Variants in SORCS2 observed in about 807,000 individuals in gnomAD.
SORCS2 encodes sortilin related VPS10 domain containing receptor 2, also known as VPS10 domain-containing receptor SorCS2.
In SORCS2, 100 loss-of-function variants were observed where a neutral mutation model predicts 141.6. That is an observed-to-expected ratio of 0.71 (90% CI 0.60 to 0.83). The LOEUF (loss-of-function observed/expected upper bound fraction) is 0.83, where lower values mean the gene tolerates loss of function less well. Among genes scored for constraint, SORCS2 ranks in the 40% least tolerant of loss-of-function variants. The pLI, the probability that SORCS2 is intolerant of heterozygous loss-of-function variation, is 0.00. For missense variants in SORCS2, 1,646 were observed against 1,560.2 expected, an observed-to-expected ratio of 1.05 and a Z score of -0.93; for synonymous variants, 789 against 676.9, an observed-to-expected ratio of 1.17 and a Z score of -2.57.
intron 1 of SORCS2, among the ~76,000 whole-genome samples, chr4:7,298,407 A>G (rs2108893587): frequency 6.6e-6 from 1 of 152,258 alleles, no homozygotes; most frequent in South Asian, 2.1e-4. Flanking sequence ...AGAGGCCAGG[A>G]TGCCCTGACA....
chr4:7,593,859 C>T (rs928054141), intron 3 of SORCS2, among the ~76,000 whole-genome samples: 1 of 152,202 alleles, frequency 6.6e-6, no homozygotes, highest in African/African-American at 2.4e-5. Context: ...CTCTGCCCCT[C>T]TCGGGAGCCC....
intron 2 of SORCS2, among the ~76,000 whole-genome samples, chr4:7,480,812 C>G (rs948043700): frequency 6.6e-6 from 1 of 152,266 alleles, no homozygotes. Context: ...GGAGGCTTGG[C>G]TGGGACAGGA....
At chr4:7,661,272 A>C (rs1722144746) in intron 5 of SORCS2, among the ~76,000 whole-genome samples, 1 of 113,502 alleles carries the variant, frequency 8.8e-6, no homozygotes, top group Admixed American at 8.7e-5. Flanking sequence ...AGCTCACTCA[A>C]GGAAAACGCA....
At chr4:7,553,651 T>C (rs1371829708) in intron 3 of SORCS2, among the ~76,000 whole-genome samples, 2 of 152,212 alleles carry the variant, frequency 1.3e-5, no homozygotes, top group African/African-American at 2.4e-5. Flanking sequence ...AGCCCAGGTA[T>C]GGATGGAGAC....
intron 3 of SORCS2, among the ~76,000 whole-genome samples, chr4:7,609,768 C>A (rs772286936): frequency 7.2e-5 from 11 of 152,176 alleles, no homozygotes; most frequent in Admixed American, 2.0e-4. Context: ...TCCGGATGGG[C>A]CTTGGGATGA....
chr4:7,651,274 G>T (rs958464493), intron 4 of SORCS2, among the ~76,000 whole-genome samples: 1 of 152,308 alleles, frequency 6.6e-6, no homozygotes, highest in Admixed American at 6.5e-5. Context: ...GCACATGATC[G>T]GGTTGAATCA....
intron 2 of SORCS2, among the ~76,000 whole-genome samples, chr4:7,428,907 G>A (rs951174733): frequency 2.6e-5 from 4 of 152,148 alleles, no homozygotes; most frequent in African/African-American, 9.7e-5. Flanking sequence ...CCAGACCCCA[G>A]GAAGGCACCT....
At chr4:7,202,121 C>T (rs909590550) in intron 1 of SORCS2, among the ~76,000 whole-genome samples, 11 of 152,288 alleles carry the variant, frequency 7.2e-5, no homozygotes, top group South Asian at 2.1e-4. Flanking sequence ...TTCCCACAAG[C>T]ACAGACCATC....
rs567493103 is a variant in SORCS2, at chr4:7,257,143, C to T, written c.480+64017C>T. On this transcript the variant is annotated intron_variant, in intron 1 of 26. Coordinates refer to ENST00000507866, the MANE Select transcript of SORCS2 (RefSeq NM_020777.3). The stretch of plus-strand genomic sequence containing the variant: ...GAATGTGTGAATCTTGGCCGGGCTC[C>T]CTCGGGCCCTGGAGTGGGCAGGTGG... Among the ~76,000 whole-genome samples the T allele has an allele frequency of 1.4e-4, 22 of 151,902 alleles. No individual in the cohort carries two copies. In the South Asian group the frequency reaches 3.8e-3, roughly 26 times the overall value.
intron 2 of SORCS2, among the ~76,000 whole-genome samples, chr4:7,526,899 G>A (rs915935066): frequency 1.3e-5 from 2 of 152,186 alleles, no homozygotes; most frequent in African/African-American, 4.8e-5. Context: ...TCCAAAAGAT[G>A]ATGTCAACAT....
At chr4:7,645,375 G>A (rs1721005971) in intron 4 of SORCS2, among the ~76,000 whole-genome samples, 1 of 152,196 alleles carries the variant, frequency 6.6e-6, no homozygotes, top group South Asian at 2.1e-4. Context: ...GTGACCTTGA[G>A]TAACTTACCT....
intron 2 of SORCS2, among the ~76,000 whole-genome samples, chr4:7,406,975 T>A (rs1268203093): frequency 6.6e-6 from 1 of 152,148 alleles, no homozygotes; most frequent in Non-Finnish European, 1.5e-5. Flanking sequence ...TTAATTTCCA[T>A]GTGTTTGTGG....
intron 1 of SORCS2, among the ~76,000 whole-genome samples, chr4:7,225,654 G>C (rs1390524887): frequency 6.6e-6 from 1 of 152,118 alleles, no homozygotes; most frequent in African/African-American, 2.4e-5. Flanking sequence ...TGCTAGACTG[G>C]GCTGGAGCTG....
intron 4 of SORCS2, among the ~76,000 whole-genome samples, chr4:7,653,277 C>T (rs895345452): frequency 1.3e-5 from 2 of 152,120 alleles, no homozygotes; most frequent in African/African-American, 4.8e-5. Context: ...GAGTTTTGCT[C>T]TTGTTGCTAG....
intron 25 of SORCS2, 102 bp from the exon 26 acceptor site, chr4:7,736,967 G>A (rs369191979): frequency 4.5e-5 from 65 of 1,441,822 alleles, no homozygotes; most frequent in Non-Finnish European, 5.6e-5. Context: ...TGTGGGCACC[G>A]TGCACCACAC....
At chr4:7,348,678 A>C (rs370641367) in intron 1 of SORCS2, among the ~76,000 whole-genome samples, 23 of 152,144 alleles carry the variant, frequency 1.5e-4, no homozygotes, top group African/African-American at 5.6e-4. Flanking sequence ...CAGCCTCCAG[A>C]GTAGCTGGGT....
intron 3 of SORCS2, among the ~76,000 whole-genome samples, chr4:7,589,420 T>C (rs1369130433): frequency 6.6e-6 from 1 of 152,164 alleles, no homozygotes; most frequent in African/African-American, 2.4e-5. Context: ...TGTTTTGTTT[T>C]GAGACAGAGT....
chr4:7,347,741 G>A (rs1044889714), intron 1 of SORCS2, among the ~76,000 whole-genome samples: 8 of 152,180 alleles, frequency 5.3e-5, no homozygotes, highest in African/African-American at 1.7e-4. Flanking sequence ...TATCTCAAAG[G>A]AAAGGGGAAA....
Position 7,192,630 on chromosome 4 carries a change from T to G in SORCS2, c.-17T>G. On this transcript the variant is annotated 5_prime_UTR_variant, in exon 1 of 27. Coordinates refer to ENST00000507866, the MANE Select transcript of SORCS2 (RefSeq NM_020777.3). The surrounding 1 kb of genome is among the most constrained non-coding windows in gnomAD (Gnocchi z 4.0). ...CGCGCCGCCCCGCCGCCGGCTCCGC[T>G]GCCGCCCCTGGCGACCATGGCGCAC... 2 of 987,110 alleles carry G rather than the reference T, an allele frequency of 2.0e-6. No individual in the cohort carries two copies. Among genetic ancestry groups the G allele is most frequent in the Non-Finnish European group, 2.4e-6 (2 of 832,106 alleles). 61.1% of individuals were successfully genotyped at this position (987,110 alleles called of 1,614,324 possible). A position where few individuals can be genotyped will look rare whatever the true frequency, so the allele number is the denominator to read the frequency against.
Sources: allele counts gnomAD v4.1 joint callset (sites outside exome capture counted in the v4.1 genomes callset), GRCh38; gene constraint gnomAD v4.1.1; non-coding constraint Gnocchi (gnomAD v3.1); transcripts MANE v1.5; gene names NCBI Gene and HGNC (gene_info 2026-07-23, HGNC 2026-07-21).